CSMD1: variants seen among roughly 807,000 people sequenced by gnomAD.
CSMD1 encodes the protein CUB and sushi domain-containing protein 1.
CSMD1 carries 213 observed loss-of-function variants against 417.5 expected under a neutral mutation model. That is an observed-to-expected ratio of 0.51 (90% CI 0.46 to 0.57). The LOEUF (loss-of-function observed/expected upper bound fraction) is 0.57. Among genes scored for constraint, CSMD1 ranks in the 20% least tolerant of loss-of-function variants. The pLI, the probability that CSMD1 is intolerant of heterozygous loss-of-function variation, is 0.00. For missense variants in CSMD1, 6,923 were observed against 4,529.7 expected (o/e 1.53, Z -15.17); for synonymous variants, 2,862 against 1,736.8 (o/e 1.65, Z -16.11).
At chr8:4,958,958 G>C (rs563911272) in intron 1 of CSMD1, among the ~76,000 whole-genome samples, 2 of 152,088 alleles carry the variant, frequency 1.3e-5, no homozygotes, top group African/African-American at 2.4e-5. Context: ...TAGGTCTTGT[G>C]AGAATTACAA....
intron 3 of CSMD1, among the ~76,000 whole-genome samples, chr8:4,197,660 TTTGA>T (rs1290443627): frequency 2.0e-5 from 3 of 152,158 alleles, no homozygotes. Context: ...AGGTGGATCA[TTTGA>T]GGCCAGGAGT....
chr8:3,914,844 T>C (rs1448017481), intron 5 of CSMD1, among the ~76,000 whole-genome samples: 1 of 152,166 alleles, frequency 6.6e-6, no homozygotes, highest in Non-Finnish European at 1.5e-5. Flanking sequence ...AGAATGCAAA[T>C]ACTTCCAAGG....
At chr8:4,332,552 TACACACACACACACACACACAC>T (rs368534632) in intron 3 of CSMD1, among the ~76,000 whole-genome samples, 3,942 of 128,784 alleles carry the variant, frequency 0.031, 89 homozygotes, top group Middle Eastern at 0.095. Flanking sequence ...TGATATCACA[TACACACACACACACACACACAC>T]ACACACACAC....
chr8:4,340,623 C>T (rs968075078), intron 3 of CSMD1, among the ~76,000 whole-genome samples: 34 of 152,238 alleles, frequency 2.2e-4, no homozygotes, highest in African/African-American at 7.5e-4. Flanking sequence ...TGCGCCTCCT[C>T]TGCCAATGAG....
At chr8:4,054,644 T>A (rs977886669) in intron 3 of CSMD1, among the ~76,000 whole-genome samples, 2 of 152,108 alleles carry the variant, frequency 1.3e-5, no homozygotes, top group Non-Finnish European at 2.9e-5. Flanking sequence ...ACATAGGTAA[T>A]GAACAGGTCC....
At chr8:4,956,753 G>A (rs927682973) in intron 1 of CSMD1, among the ~76,000 whole-genome samples, 1 of 152,124 alleles carries the variant, frequency 6.6e-6, no homozygotes, top group Non-Finnish European at 1.5e-5. Context: ...AAATATTCCA[G>A]GGAATGGAGA....
intron 1 of CSMD1, among the ~76,000 whole-genome samples, chr8:4,888,321 C>T (rs1024599955): frequency 6.6e-6 from 1 of 152,056 alleles, no homozygotes; most frequent in Non-Finnish European, 1.5e-5. Flanking sequence ...TGGAGGTAAC[C>T]ATTATCATTA....
intron 5 of CSMD1, among the ~76,000 whole-genome samples, chr8:3,863,902 A>T (rs1804901411): frequency 6.6e-6 from 1 of 152,184 alleles, no homozygotes; most frequent in African/African-American, 2.4e-5. Context: ...TATAAAACTG[A>T]CACGTATCCT....
At chr8:3,126,120 G>A (rs751822653) in intron 41 of CSMD1, among the ~76,000 whole-genome samples, 6 of 152,116 alleles carry the variant, frequency 3.9e-5, no homozygotes, top group East Asian at 1.9e-4. Context: ...GTGCCAATAC[G>A]GGGACTTGAA....
rs116832181 is a variant in CSMD1 at position 4,959,713 on chromosome 8, G to A, written c.85+34619C>T. On this transcript the variant is annotated intron_variant, in intron 1 of 69. Coordinates refer to ENST00000635120, the MANE Select transcript of CSMD1 (RefSeq NM_033225.6). ...CCCTCCAATAGTTCTCTCAGTTCAC[G>A]GAATGTCAAAATCCTAATGACCAAC... Among the ~76,000 whole-genome samples the A allele has an allele frequency of 5.2e-3, 791 of 152,242 alleles. 7 individuals carry two copies. The highest frequency in any genetic ancestry group is 0.018 in the African/African-American group (752 of 41,540).
chr8:4,902,302 T>C (rs988403315), intron 1 of CSMD1, among the ~76,000 whole-genome samples: 2 of 151,056 alleles, frequency 1.3e-5, no homozygotes, highest in African/African-American at 2.4e-5. Flanking sequence ...CCTGGCATGA[T>C]GGCACACGCC....
chr8:4,602,616 G>T (rs923053017), intron 2 of CSMD1, among the ~76,000 whole-genome samples: 1 of 152,152 alleles, frequency 6.6e-6, no homozygotes, highest in Non-Finnish European at 1.5e-5. Flanking sequence ...AAAATTCAAA[G>T]AAGTTTGAAG....
chr8:3,811,747 G>C (rs1585034138), intron 5 of CSMD1, among the ~76,000 whole-genome samples: 1 of 152,162 alleles, frequency 6.6e-6, no homozygotes, highest in East Asian at 1.9e-4. Context: ...CGGAGAAAGG[G>C]AACCTCCATG....
intron 45 of CSMD1, 105 bp from the exon 46 acceptor site, chr8:3,106,746 A>T (rs1301916412): frequency 7.1e-6 from 4 of 560,384 alleles, no homozygotes; most frequent in Non-Finnish European, 1.3e-5. Context: ...CAACTTGCAA[A>T]TCTTTTTAGA....
intron 26 of CSMD1, among the ~76,000 whole-genome samples, chr8:3,263,830 G>T (rs900521474): frequency 4.6e-5 from 7 of 152,166 alleles, no homozygotes; most frequent in Non-Finnish European, 8.8e-5. Flanking sequence ...ATCATGTGAA[G>T]ATTAGACATC....
intron 2 of CSMD1, among the ~76,000 whole-genome samples, chr8:4,539,711 C>T (rs966262116): frequency 3.3e-5 from 5 of 152,148 alleles, no homozygotes; most frequent in Admixed American, 6.5e-5. Flanking sequence ...TAGCTCTATC[C>T]TTGAATTATT....
intron 12 of CSMD1, among the ~76,000 whole-genome samples, chr8:3,446,857 T>C (rs1161289790): frequency 1.3e-5 from 2 of 152,224 alleles, no homozygotes; most frequent in Non-Finnish European, 1.5e-5. Flanking sequence ...CTGGTTTCAT[T>C]AGCATTTCTT....
At chr8:4,304,726 A>C (rs958602349) in intron 3 of CSMD1, among the ~76,000 whole-genome samples, 11 of 152,262 alleles carry the variant, frequency 7.2e-5, no homozygotes, top group Admixed American at 2.6e-4. Flanking sequence ...GAGCCAACTA[A>C]ATCACTTGGT....
At chr8:3,794,243 T>G (rs775735354) in intron 5 of CSMD1, among the ~76,000 whole-genome samples, 2 of 152,214 alleles carry the variant, frequency 1.3e-5, no homozygotes. Context: ...TTCTACGCAG[T>G]TGAGATGTTG....
Sources: allele counts gnomAD v4.1 joint callset (sites outside exome capture counted in the v4.1 genomes callset), GRCh38; gene constraint gnomAD v4.1.1; transcripts MANE v1.5; gene names NCBI Gene and HGNC (gene_info 2026-07-23, HGNC 2026-07-21).